Variants in GNA14 observed in about 807,000 individuals in gnomAD.
GNA14 encodes the protein G protein subunit alpha 14, also known as guanine nucleotide-binding protein subunit alpha-14.
In GNA14, 50 loss-of-function variants were observed where a neutral mutation model predicts 42.0. The observed-to-expected ratio is 1.19, with a 90% CI of 0.95 to 1.51. The LOEUF is 1.51. GNA14 is among the 40% of genes most tolerant of loss of function. GNA14 has a pLI of 0.00. For missense variants in GNA14, 473 were observed against 446.2 expected (o/e 1.06, Z -0.54); for synonymous variants, 173 against 163.1 (o/e 1.06, Z -0.46).
intron 2 of GNA14, among the ~76,000 whole-genome samples, chr9:77,452,596 G>GGTGT (rs1564018333): frequency 4.9e-3 from 9 of 1,830 alleles, no homozygotes; most frequent in Non-Finnish European, 0.01. Flanking sequence ...GTGTGTGTGT[G>GGTGT]GTGTGTATGT....
chr9:77,500,886 T>C (rs1436008097), intron 2 of GNA14, among the ~76,000 whole-genome samples: 2 of 152,084 alleles, frequency 1.3e-5, no homozygotes, highest in Non-Finnish European at 2.9e-5. Context: ...TGTGTACAGG[T>C]TTTTGTGTGA....
intron 1 of GNA14, among the ~76,000 whole-genome samples, chr9:77,570,138 T>G (rs1366646575): frequency 6.6e-6 from 1 of 152,212 alleles, no homozygotes; most frequent in Non-Finnish European, 1.5e-5. Flanking sequence ...TTATTGTTTG[T>G]TGGAGGAAGT....
intron 1 of GNA14, among the ~76,000 whole-genome samples, chr9:77,635,774 G>T (rs952750498): frequency 1.3e-5 from 2 of 152,152 alleles, no homozygotes; most frequent in Non-Finnish European, 2.9e-5. Context: ...TGAAGACTCA[G>T]ACTAACTCTG....
chr9:77,427,688 C>A (rs1835474799), intron 5 of GNA14, among the ~76,000 whole-genome samples: 1 of 124,146 alleles, frequency 8.1e-6, no homozygotes. Context: ...ACTCTCAGGG[C>A]AGCTCCCACT....
intron 1 of GNA14, among the ~76,000 whole-genome samples, chr9:77,638,095 T>C (rs1489991566): frequency 6.6e-6 from 1 of 152,202 alleles, no homozygotes; most frequent in Non-Finnish European, 1.5e-5. Context: ...GGAAGAATAT[T>C]TCATATTTGA....
intron 1 of GNA14, among the ~76,000 whole-genome samples, chr9:77,596,064 G>A (rs536704502): frequency 6.6e-5 from 10 of 152,020 alleles, no homozygotes; most frequent in South Asian, 2.1e-4. Flanking sequence ...AGTGCACTGC[G>A]TATAAAAAAC....
intron 1 of GNA14, among the ~76,000 whole-genome samples, chr9:77,587,970 T>G (rs1386101066): frequency 1.3e-5 from 2 of 152,198 alleles, no homozygotes; most frequent in Non-Finnish European, 2.9e-5. Context: ...CTGCCTTCCT[T>G]GGCTTTGGCC....
intron 1 of GNA14, among the ~76,000 whole-genome samples, chr9:77,570,772 C>T (rs1171836000): frequency 6.6e-6 from 1 of 152,046 alleles, no homozygotes; most frequent in Admixed American, 6.6e-5. Context: ...CTTGCTGGGT[C>T]GTATGGTAGC....
intron 1 of GNA14, among the ~76,000 whole-genome samples, chr9:77,543,098 G>A (rs1036552238): frequency 1.3e-5 from 2 of 152,234 alleles, no homozygotes; most frequent in Non-Finnish European, 2.9e-5. Flanking sequence ...CAGCAGCAAT[G>A]CTATTTGTCT....
chr9:77,514,671 T>G (rs1388383549), intron 2 of GNA14, among the ~76,000 whole-genome samples: 2 of 149,732 alleles, frequency 1.3e-5, no homozygotes, highest in East Asian at 3.9e-4. Flanking sequence ...TAGAGTGCAG[T>G]GGTGCGATCT....
chr9:77,561,871 T>G (rs528063369), intron 1 of GNA14, among the ~76,000 whole-genome samples: 24 of 152,364 alleles, frequency 1.6e-4, no homozygotes, highest in Admixed American at 1.4e-3. Context: ...AAATCTCCAT[T>G]TCCTCTTTTC....
At chr9:77,463,015 C>T (rs1025808616) in intron 2 of GNA14, among the ~76,000 whole-genome samples, 1 of 152,106 alleles carries the variant, frequency 6.6e-6, no homozygotes, top group African/African-American at 2.4e-5. Flanking sequence ...ATAAACAACT[C>T]GAGGGTAATA....
intron 1 of GNA14, among the ~76,000 whole-genome samples, chr9:77,560,359 GC>G (rs1822861823): frequency 7.0e-6 from 1 of 142,330 alleles, no homozygotes; most frequent in South Asian, 2.3e-4. Flanking sequence ...CACGATCTCA[GC>G]TCACTGCAGC....
chr9:77,431,929 A>C (rs1835562214), intron 3 of GNA14, among the ~76,000 whole-genome samples: 1 of 152,210 alleles, frequency 6.6e-6, no homozygotes, highest in South Asian at 2.1e-4. Flanking sequence ...ACAGGCGTAA[A>C]ACAGGCCGAG....
chr9:77,426,023 C>T (rs2131685504), intron 5 of GNA14, among the ~76,000 whole-genome samples: 1 of 152,338 alleles, frequency 6.6e-6, no homozygotes, highest in Admixed American at 6.5e-5. Context: ...AAGGAAGGTT[C>T]CTACCCACGT....
At chr9:77,430,765 A>G (rs548149189) in intron 4 of GNA14, among the ~76,000 whole-genome samples, 3 of 152,348 alleles carry the variant, frequency 2.0e-5, no homozygotes, top group East Asian at 1.9e-4. Flanking sequence ...ATTTTTTACC[A>G]TAACTAAATG....
intron 2 of GNA14, among the ~76,000 whole-genome samples, chr9:77,457,858 C>T (rs1836030504): frequency 6.6e-6 from 1 of 152,050 alleles, no homozygotes; most frequent in African/African-American, 2.4e-5. Flanking sequence ...GAGAATCATC[C>T]AACAACATTC....
chr9:77,484,556 A>C (rs1304560608), intron 2 of GNA14, among the ~76,000 whole-genome samples: 1 of 152,156 alleles, frequency 6.6e-6, no homozygotes, highest in Non-Finnish European at 1.5e-5. Flanking sequence ...TAAGAGTACT[A>C]CACTTTGTGG....
chr9:77,620,612 G>A (rs138782119), intron 1 of GNA14, among the ~76,000 whole-genome samples: 4,238 of 152,200 alleles, frequency 0.028, 166 homozygotes, highest in African/African-American at 0.082. Context: ...ACCTTGGGAG[G>A]TCGAGGCAGG....
Sources: gnomAD v4.1 joint callset for allele counts (sites outside exome capture counted in the v4.1 genomes callset) on GRCh38, gnomAD v4.1.1 for gene constraint, MANE v1.5 for transcripts, NCBI Gene and HGNC (gene_info 2026-07-23, HGNC 2026-07-21) for gene names.